The following ADAMTSL1 variants were observed in gnomAD, a reference collection of about 807,000 sequenced individuals.
ADAMTSL1 encodes ADAMTS like 1.
In ADAMTSL1, 126 loss-of-function variants were observed where a neutral mutation model predicts 201.8. The observed-to-expected ratio is 0.62, with a 90% CI of 0.54 to 0.72. The LOEUF (loss-of-function observed/expected upper bound fraction) is 0.72. Ranked by LOEUF, ADAMTSL1 falls within the 30% of genes least tolerant of loss-of-function variation. The pLI, the probability that ADAMTSL1 is intolerant of heterozygous loss-of-function variation, is 0.00. For missense variants in ADAMTSL1, 2,679 were observed against 2,277.8 expected, an observed-to-expected ratio of 1.18 and a Z score of -3.59; for synonymous variants, 1,121 against 903.4, an observed-to-expected ratio of 1.24 and a Z score of -4.32.
At chr9:18,813,218 C>G (rs1055650441) in intron 20 of ADAMTSL1, among the ~76,000 whole-genome samples, 2 of 152,164 alleles carry the variant, frequency 1.3e-5, no homozygotes, top group African/African-American at 4.8e-5. Context: ...GCCGCCTCAG[C>G]CTCCCAAAGT....
intron 26 of ADAMTSL1, among the ~76,000 whole-genome samples, chr9:18,899,330 C>T (rs1270163044): frequency 2.0e-5 from 3 of 152,180 alleles, no homozygotes; most frequent in Non-Finnish European, 4.4e-5. Flanking sequence ...ATTTCATGCT[C>T]ATTGATAGGA....
chr9:17,961,545 C>A (rs565845918), intron 1 of ADAMTSL1, among the ~76,000 whole-genome samples: 39 of 152,280 alleles, frequency 2.6e-4, no homozygotes, highest in South Asian at 1.0e-3. Context: ...GCCACCACAC[C>A]AGGCCTATTT....
chr9:17,925,862 A>AAG (rs1813765659), intron 1 of ADAMTSL1, among the ~76,000 whole-genome samples: 1 of 151,738 alleles, frequency 6.6e-6, no homozygotes, highest in Non-Finnish European at 1.5e-5. Context: ...TAATTAAAAA[A>AAG]AAAAAGAAAA....
chr9:18,231,089 C>T (rs987687230), intron 2 of ADAMTSL1, among the ~76,000 whole-genome samples: 1 of 152,168 alleles, frequency 6.6e-6, no homozygotes, highest in Non-Finnish European at 1.5e-5. Context: ...CAGACCAGCT[C>T]TACCTTTCTT....
chr9:18,780,420 C>T (rs919887187), intron 19 of ADAMTSL1, among the ~76,000 whole-genome samples: 3 of 152,182 alleles, frequency 2.0e-5, no homozygotes, highest in Non-Finnish European at 4.4e-5. Context: ...AAATGCTCCA[C>T]AAACAGGCTC....
intron 2 of ADAMTSL1, among the ~76,000 whole-genome samples, chr9:18,224,872 C>T (rs1335172149): frequency 6.6e-6 from 1 of 152,270 alleles, no homozygotes; most frequent in Admixed American, 6.5e-5. Context: ...ACACAACCTT[C>T]TGTCCTTTTG....
intron 3 of ADAMTSL1, among the ~76,000 whole-genome samples, chr9:18,534,024 A>G (rs1228121237): frequency 1.3e-5 from 2 of 152,226 alleles, no homozygotes; most frequent in African/African-American, 4.8e-5. Flanking sequence ...TAGTTTCACC[A>G]GAGTTGAGTA....
intron 13 of ADAMTSL1, among the ~76,000 whole-genome samples, chr9:18,703,906 T>C (rs1323740298): frequency 6.6e-6 from 1 of 151,756 alleles, no homozygotes; most frequent in Non-Finnish European, 1.5e-5. Flanking sequence ...GCTAAGAGTC[T>C]AGTTTGTGCA....
chr9:18,693,944 G>A (rs1831392076), intron 13 of ADAMTSL1, among the ~76,000 whole-genome samples: 2 of 152,132 alleles, frequency 1.3e-5, no homozygotes, highest in African/African-American at 4.8e-5. Context: ...AAGTAAAAGA[G>A]GTTTCATTGA....
At chr9:18,149,461 A>G (rs764835427) in intron 1 of ADAMTSL1, among the ~76,000 whole-genome samples, 1 of 152,032 alleles carries the variant, frequency 6.6e-6, no homozygotes, top group Non-Finnish European at 1.5e-5. Context: ...TACAATCTAG[A>G]TAATTGTAGA....
At chr9:18,072,668 C>G (rs1229490011) in intron 1 of ADAMTSL1, among the ~76,000 whole-genome samples, 2 of 152,158 alleles carry the variant, frequency 1.3e-5, no homozygotes, top group Non-Finnish European at 2.9e-5. Context: ...ATTGTTCAGA[C>G]AGAAAAAAGA....
chr9:18,297,854 G>C (rs1036269707), intron 2 of ADAMTSL1, among the ~76,000 whole-genome samples: 1 of 152,208 alleles, frequency 6.6e-6, no homozygotes, highest in African/African-American at 2.4e-5. Context: ...TCAGAAATGA[G>C]AACCCTTTGA....
chr9:18,783,969 G>A (rs906922849), intron 19 of ADAMTSL1, among the ~76,000 whole-genome samples: 1 of 152,172 alleles, frequency 6.6e-6, no homozygotes, highest in African/African-American at 2.4e-5. Flanking sequence ...TTCATGGCTT[G>A]TCATCACTTG....
At chr9:18,039,434 A>G (rs1821343636) in intron 1 of ADAMTSL1, among the ~76,000 whole-genome samples, 1 of 152,138 alleles carries the variant, frequency 6.6e-6, no homozygotes, top group South Asian at 2.1e-4. Flanking sequence ...AATTATAATA[A>G]GTCAACAGTG....
chr9:18,163,464 C>T (rs1451344322), intron 1 of ADAMTSL1, among the ~76,000 whole-genome samples: 2 of 151,894 alleles, frequency 1.3e-5, no homozygotes, highest in East Asian at 3.9e-4. Flanking sequence ...GACATGGGGA[C>T]CCATCTAGGT....
chr9:18,249,666 C>T (rs976033491), intron 2 of ADAMTSL1, among the ~76,000 whole-genome samples: 1 of 152,148 alleles, frequency 6.6e-6, no homozygotes, highest in Admixed American at 6.5e-5. Flanking sequence ...ATTGCTAAGG[C>T]CCTGTGAATC....
chr9:18,531,703 C>T (rs1446825703), intron 2 of ADAMTSL1, among the ~76,000 whole-genome samples: 1 of 152,132 alleles, frequency 6.6e-6, no homozygotes, highest in Non-Finnish European at 1.5e-5. Context: ...AATTAATTTT[C>T]TTAATAACAA....
intron 1 of ADAMTSL1, among the ~76,000 whole-genome samples, chr9:18,013,076 G>T (rs1820121963): frequency 1.3e-5 from 2 of 151,362 alleles, no homozygotes; most frequent in Admixed American, 6.6e-5. Flanking sequence ...TATCATAAGG[G>T]TATTATTCCA....
chr9:17,943,900 G>A (rs1827344642), intron 1 of ADAMTSL1, among the ~76,000 whole-genome samples: 4 of 151,968 alleles, frequency 2.6e-5, no homozygotes, highest in Admixed American at 2.6e-4. Context: ...AGAAGGTGAA[G>A]GGTGAACAGG....
Sources: allele counts gnomAD v4.1 joint callset (sites outside exome capture counted in the v4.1 genomes callset), GRCh38; gene constraint gnomAD v4.1.1; transcripts MANE v1.5; gene names NCBI Gene and HGNC (gene_info 2026-07-23, HGNC 2026-07-21).